The following ABCE1 variants were observed in gnomAD, a reference collection of about 807,000 sequenced individuals.
The protein encoded by ABCE1 is ATP-binding cassette sub-family E member 1.
In ABCE1, 22 loss-of-function variants were observed where a neutral mutation model predicts 83.4. That is an observed-to-expected ratio of 0.26 (90% CI 0.19 to 0.38). The LOEUF is 0.38. Among genes scored for constraint, ABCE1 ranks in the 10% least tolerant of loss-of-function variants. The pLI, the probability that ABCE1 is intolerant of heterozygous loss-of-function variation, is 1.00. For missense variants in ABCE1, 330 were observed against 721.9 expected (o/e 0.46, Z 6.22); for synonymous variants, 204 against 233.7 (o/e 0.87, Z 1.16).
chr4:145,112,794 A>G, intron 9 of ABCE1, among the ~76,000 whole-genome samples: 1 of 152,218 alleles, frequency 6.6e-6, no homozygotes, highest in East Asian at 1.9e-4. Flanking sequence ...TGTGGTTTGT[A>G]GAGTTTTCAG....
Position 145,123,377 on chromosome 4 carries a change from C to T in ABCE1, c.1517+20C>T, listed in dbSNP as rs202075850. On this transcript the variant is annotated intron_variant, in intron 15 of 17. Coordinates refer to ENST00000296577, the MANE Select transcript of ABCE1 (RefSeq NM_002940.3). ...CAAACGGTAAATATCTTGCTCCTAG[C>T]CATATTTTGATTATGTATACTGTCC... The T allele has an allele frequency of 1.4e-5, 22 of 1,595,686 alleles. No individual in the cohort carries two copies. The highest frequency in any genetic ancestry group is 1.9e-5 in the Non-Finnish European group (22 of 1,169,052).
chr4:145,110,071 C>A, intron 5 of ABCE1, 32 bp from the exon 6 acceptor site: 2 of 1,504,800 alleles, frequency 1.3e-6, no homozygotes, highest in South Asian at 1.3e-5. Context: ...TTATTAAATT[C>A]ACATGATTCT....
chr4:145,110,772 T>C lies in ABCE1; in HGVS notation c.614-196T>C, dbSNP rs1749448770. 6 of 556,394 alleles carry C rather than the reference T, an allele frequency of 1.1e-5. No homozygotes were observed. The East Asian group carries it at 1.5e-4, about 14-fold the overall frequency. 34.5% of individuals were successfully genotyped at this position (556,394 alleles called of 1,614,324 possible). A position where few individuals can be genotyped will look rare whatever the true frequency, so the allele number is the denominator to read the frequency against. ...CCACTGCGCCCGGCCATTTTGTGTA[T>C]ATATTTCAATAGGCCCTGAACTTAA... On this transcript the variant is annotated intron_variant, in intron 7 of 17. Coordinates refer to ENST00000296577, the MANE Select transcript of ABCE1 (RefSeq NM_002940.3).
At chr4:145,120,988 C>T in intron 11 of ABCE1, 186 bp from the exon 12 acceptor site, 3 of 576,420 alleles carry the variant, frequency 5.2e-6, no homozygotes, top group Non-Finnish European at 3.1e-6. Context: ...TCTTAATTAC[C>T]TTAGAATGAC....
At chr4:145,125,749 T>C (rs1486181722) in intron 17 of ABCE1, among the ~76,000 whole-genome samples, 1 of 152,210 alleles carries the variant, frequency 6.6e-6, no homozygotes, top group Non-Finnish European at 1.5e-5. Flanking sequence ...ATTTCTGTTA[T>C]ATTTTTCAAT....
chr4:145,105,651 T>C lies in ABCE1; in HGVS notation c.150T>C (p.Ile50=). 6.2e-7 allele frequency: 1 copy of C among 1,609,050 alleles called. No homozygotes were observed. Among genetic ancestry groups the C allele is most frequent in the Non-Finnish European group, 8.5e-7 (1 of 1,176,732 alleles). Residue 50 remains isoleucine (I), a synonymous_variant, in exon 3 of 18, where the codon ATT becomes ATC. Coordinates refer to ENST00000296577, the MANE Select transcript of ABCE1 (RefSeq NM_002940.3). The part of the protein sequence containing the change: ...EVTPQSKIAW[I]SETLCIGCGI... The stretch of plus-strand genomic sequence containing the variant: ...CACCCCAGAGCAAAATAGCATGGAT[T>C]TCCGAAACTCTTTGTATTGGTTGTG...
chr4:145,110,487 T>G, intron 7 of ABCE1, 43 bp downstream of exon 7: 1 of 1,577,914 alleles, frequency 6.3e-7, no homozygotes, highest in Middle Eastern at 2.3e-4. Context: ...TATTTATTTA[T>G]TTTTTGAGAC....
At chr4:145,117,985 C>T (rs1314172096) in intron 10 of ABCE1, among the ~76,000 whole-genome samples, 1 of 151,732 alleles carries the variant, frequency 6.6e-6, no homozygotes, top group Non-Finnish European at 1.5e-5. Flanking sequence ...AAAATAGAAA[C>T]TAGCGTACCA....
In ABCE1 at chr4:145,123,120, A is replaced by G; in HGVS notation, c.1363A>G (p.Ile455Val). ...VMKPLQIENIIDQEVQTLSGG... is the reference protein window; with the variant it reads ...VMKPLQIENIVDQEVQTLSGG... ...GAAGCCTCTGCAAATTGAAAACATC[A>G]TTGATCAAGAGGTACTTTAACATAA... The change falls in exon 14 of 18, where the codon ATT becomes GTT. Residue 455 changes from isoleucine to valine, a missense_variant. By Grantham distance (29) the Ile-to-Val change is conservative. Coordinates refer to ENST00000296577, the MANE Select transcript of ABCE1 (RefSeq NM_002940.3). 1 of 1,601,064 alleles carries G rather than the reference A, an allele frequency of 6.2e-7. No individual in the cohort carries two copies. Among genetic ancestry groups the G allele is most frequent in the South Asian group, 1.1e-5 (1 of 87,762 alleles).
intron 1 of ABCE1, among the ~76,000 whole-genome samples, chr4:145,102,586 C>T (rs1016862609): frequency 6.6e-6 from 1 of 151,106 alleles, no homozygotes; most frequent in Non-Finnish European, 1.5e-5. Context: ...GTTTTTTTTT[C>T]ACCTACCATT....
intron 1 of ABCE1, among the ~76,000 whole-genome samples, chr4:145,104,146 C>T (rs1251533476): frequency 1.3e-5 from 2 of 151,774 alleles, no homozygotes; most frequent in African/African-American, 4.8e-5. Context: ...TTGTAAATGA[C>T]ATTTTTTTCT....
In ABCE1 at chr4:145,107,934, A is replaced by C. The variant is rs35757726; in HGVS notation, c.190-81A>C. 1,138 of 1,066,546 alleles carry C rather than the reference A, an allele frequency of 1.1e-3. 7 individuals are homozygous for C. In the African/African-American group the frequency reaches 0.014, roughly 13 times the overall value. 66.1% of individuals were successfully genotyped at this position (1,066,546 alleles called of 1,614,324 possible). A position where few individuals can be genotyped will look rare whatever the true frequency, so the allele number is the denominator to read the frequency against. ...AAATCATGTTTAGAAGATTGCTTAT[A>C]AAAATATTTTTAATCCATTTTAGTT... On this transcript the variant is annotated intron_variant, in intron 3 of 17. Transcript: ENST00000296577.
chr4:145,105,872 A>G (rs1368122830), intron 3 of ABCE1, among the ~76,000 whole-genome samples, 182 bp downstream of exon 3: 15 of 151,970 alleles, frequency 9.9e-5, no homozygotes, highest in Admixed American at 9.8e-4. Flanking sequence ...AATAAATTAA[A>G]CCACCCTTTT....
intron 4 of ABCE1, among the ~76,000 whole-genome samples, 158 bp from the exon 5 acceptor site, chr4:145,108,974 G>A (rs551105017): frequency 1.7e-4 from 26 of 152,212 alleles, no homozygotes; most frequent in African/African-American, 6.3e-4. Context: ...AATCTTGGCT[G>A]TTTTTTTCCT....
In ABCE1 at chr4:145,098,779, C is replaced by T. The variant is rs570435348; in HGVS notation, c.-28+360C>T. 3.9e-5 allele frequency among the ~76,000 whole-genome samples: 6 copies of T among 152,380 alleles called. No individual in the cohort carries two copies. In the East Asian group the frequency reaches 1.2e-3, roughly 29 times the overall value. ...GCACCTTTAGAACTTACAGCACTCT[C>T]TAGTACCCCCACACTCCTCCAGCAC... On this transcript the variant is annotated intron_variant, in intron 1 of 17. Transcript: ENST00000296577.
intron 10 of ABCE1, among the ~76,000 whole-genome samples, chr4:145,118,977 T>G (rs1300606140): frequency 6.6e-6 from 1 of 151,876 alleles, no homozygotes; most frequent in Non-Finnish European, 1.5e-5. Context: ...CTAAGGTTCC[T>G]TTGAGTTTAT....
chr4:145,120,227 A>G, intron 11 of ABCE1, 74 bp downstream of exon 11: 3 of 1,327,816 alleles, frequency 2.3e-6, no homozygotes, highest in Non-Finnish European at 2.1e-6. Context: ...GTTTTGTGGA[A>G]AAATTTGAAT....
At chr4:145,121,724 C>T (rs911490701) in intron 13 of ABCE1, 53 of 205,186 alleles carry the variant, frequency 2.6e-4, no homozygotes, top group African/African-American at 1.2e-3. Flanking sequence ...CTACAAAAAA[C>T]TAGCCGAGCG....
At chr4:145,109,286 G>C (rs763788349) in intron 5 of ABCE1, 37 bp downstream of exon 5, 6 of 1,296,072 alleles carry the variant, frequency 4.6e-6, no homozygotes, top group Admixed American at 2.2e-5. Flanking sequence ...AATATCATGA[G>C]TCAGTTTTAT....
Sources: gnomAD v4.1 joint callset for allele counts (sites outside exome capture counted in the v4.1 genomes callset) on GRCh38, gnomAD v4.1.1 for gene constraint, MANE v1.5 for transcripts, NCBI Gene and HGNC (gene_info 2026-07-23, HGNC 2026-07-21) for gene names.